OSBPL8: variants seen among roughly 807,000 people sequenced by gnomAD.
OSBPL8 encodes oxysterol binding protein like 8.
A neutral mutation model predicts 125.5 loss-of-function variants in OSBPL8; 59 were observed. That is an observed-to-expected ratio of 0.47 (90% confidence interval 0.38 to 0.58). The LOEUF is 0.58. Among genes scored for constraint, OSBPL8 ranks in the 20% least tolerant of loss-of-function variants. The pLI is 0.00. For missense variants in OSBPL8, 758 were observed against 1,047.8 expected, an observed-to-expected ratio of 0.72 and a Z score of 3.82; for synonymous variants, 330 against 338.9, an observed-to-expected ratio of 0.97 and a Z score of 0.29.
chr12:76,540,487 C>CGT (rs59101769), intron 1 of OSBPL8, among the ~76,000 whole-genome samples: 6,183 of 141,666 alleles, frequency 0.044, 200 homozygotes, highest in African/African-American at 0.11. Flanking sequence ...ATTATATAGT[C>CGT]GTGTGTGTGT....
intron 1 of OSBPL8, among the ~76,000 whole-genome samples, chr12:76,510,186 G>A (rs1005825378): frequency 6.6e-5 from 10 of 152,056 alleles, no homozygotes; most frequent in Admixed American, 3.9e-4. Context: ...TCCAGATCTA[G>A]CAAATCTTAT....
chr12:76,543,585 C>G (rs1950702912), intron 1 of OSBPL8, among the ~76,000 whole-genome samples: 1 of 152,142 alleles, frequency 6.6e-6, no homozygotes. Flanking sequence ...AAGTATAGCA[C>G]TGATATCCAA....
At chr12:76,379,907 A>G (rs767784196) in intron 15 of OSBPL8, among the ~76,000 whole-genome samples, 1 of 152,176 alleles carries the variant, frequency 6.6e-6, no homozygotes, top group Non-Finnish European at 1.5e-5. Flanking sequence ...TGGTAAATGT[A>G]TGTTTAACTA....
chr12:76,396,550 G>A (rs1260360577), intron 8 of OSBPL8, among the ~76,000 whole-genome samples: 2 of 152,068 alleles, frequency 1.3e-5, no homozygotes, highest in Admixed American at 6.5e-5. Context: ...AGGAATTCAA[G>A]ACCAGCCTGG....
At chr12:76,412,866 CA>C (rs1868287536) in intron 4 of OSBPL8, among the ~76,000 whole-genome samples, 1 of 152,146 alleles carries the variant, frequency 6.6e-6, no homozygotes, top group African/African-American at 2.4e-5. Context: ...TCTCAAGACG[CA>C]AGGCCACCCC....
intron 4 of OSBPL8, among the ~76,000 whole-genome samples, chr12:76,425,191 A>T (rs1336303915): frequency 6.6e-6 from 1 of 152,210 alleles, no homozygotes; most frequent in South Asian, 2.1e-4. Context: ...TATCAATTAC[A>T]TATTAGAGTA....
intron 10 of OSBPL8, among the ~76,000 whole-genome samples, chr12:76,391,976 G>C (rs1193117596): frequency 6.6e-6 from 1 of 152,146 alleles, no homozygotes; most frequent in Admixed American, 6.5e-5. Context: ...TTCCTGCAAA[G>C]CAACAAAAAG....
chr12:76,535,379 G>A (rs1239916819), intron 1 of OSBPL8, among the ~76,000 whole-genome samples: 4 of 152,026 alleles, frequency 2.6e-5, no homozygotes, highest in East Asian at 1.9e-4. Context: ...AGTCATCAGC[G>A]AAACGCAAAT....
At chr12:76,387,902 C>T (rs1005327807) in intron 12 of OSBPL8, among the ~76,000 whole-genome samples, 1 of 152,040 alleles carries the variant, frequency 6.6e-6, no homozygotes, top group Non-Finnish European at 1.5e-5. Flanking sequence ...TTGTTACTGC[C>T]CCGTCTCTCC....
At chr12:76,552,476 C>T (rs1009958544) in intron 1 of OSBPL8, among the ~76,000 whole-genome samples, 5 of 145,422 alleles carry the variant, frequency 3.4e-5, no homozygotes, top group African/African-American at 1.3e-4. Flanking sequence ...CAAGAGGGAG[C>T]ACAAATTTTT....
chr12:76,366,140 G>A (rs1952406000), intron 21 of OSBPL8, among the ~76,000 whole-genome samples: 1 of 152,166 alleles, frequency 6.6e-6, no homozygotes. Flanking sequence ...CTATTTTTTA[G>A]AGTTTGAGAA....
chr12:76,402,512 T>C (rs530696817), intron 6 of OSBPL8, among the ~76,000 whole-genome samples, 177 bp downstream of exon 6: 4 of 152,184 alleles, frequency 2.6e-5, no homozygotes, highest in South Asian at 2.1e-4. Flanking sequence ...ATCTTATCAG[T>C]TGACCACAGT....
intron 1 of OSBPL8, among the ~76,000 whole-genome samples, chr12:76,522,247 T>A (rs867435148): frequency 1.6e-4 from 24 of 152,170 alleles, no homozygotes; most frequent in African/African-American, 5.8e-4. Flanking sequence ...ACTCATGAAT[T>A]AACTAGTTCT....
intron 1 of OSBPL8, among the ~76,000 whole-genome samples, chr12:76,556,077 T>A (rs1365785468): frequency 1.3e-5 from 2 of 152,188 alleles, no homozygotes; most frequent in Non-Finnish European, 2.9e-5. Flanking sequence ...CAAGCTAACA[T>A]CCTTCCTTTA....
chr12:76,395,267 T>C (rs1953743864), intron 8 of OSBPL8, among the ~76,000 whole-genome samples: 1 of 152,204 alleles, frequency 6.6e-6, no homozygotes, highest in Non-Finnish European at 1.5e-5. Context: ...TCTGTCGTTG[T>C]TGTTGGCTAG....
At chr12:76,390,724 A>C (rs950444797) in intron 10 of OSBPL8, 67 bp from the exon 11 acceptor site, 51 of 919,312 alleles carry the variant, frequency 5.5e-5, no homozygotes, top group African/African-American at 1.0e-4. Context: ...ATAAATAATA[A>C]TTATATACAA....
intron 3 of OSBPL8, among the ~76,000 whole-genome samples, chr12:76,455,120 G>T (rs890351318): frequency 4.6e-5 from 7 of 152,060 alleles, no homozygotes; most frequent in Non-Finnish European, 7.4e-5. Context: ...GTGGGCACCT[G>T]TAGTCCCAGC....
intron 4 of OSBPL8, among the ~76,000 whole-genome samples, chr12:76,425,781 A>T (rs1458450069): frequency 6.6e-6 from 1 of 152,228 alleles, no homozygotes; most frequent in East Asian, 1.9e-4. Flanking sequence ...TGGTGAACTA[A>T]AAAAGCAGAA....
At chr12:76,546,907 A>G (rs1950797953) in intron 1 of OSBPL8, among the ~76,000 whole-genome samples, 1 of 152,218 alleles carries the variant, frequency 6.6e-6, no homozygotes, top group African/African-American at 2.4e-5. Flanking sequence ...AAAGGGGCCA[A>G]TTATTTTCTA....
Sources: allele counts gnomAD v4.1 joint callset (sites outside exome capture counted in the v4.1 genomes callset), GRCh38; gene constraint gnomAD v4.1.1; transcripts MANE v1.5; gene names NCBI Gene and HGNC (gene_info 2026-07-23, HGNC 2026-07-21).